The following ITGA8 variants were observed in gnomAD, a reference collection of about 807,000 sequenced individuals.
ITGA8 encodes integrin subunit alpha 8, also known as integrin alpha-8.
In ITGA8, 91 loss-of-function variants were observed where a neutral mutation model predicts 142.3. The observed-to-expected ratio is 0.64, with a 90% CI of 0.54 to 0.76. The LOEUF is 0.76. Ranked by LOEUF, ITGA8 falls within the 30% of genes least tolerant of loss-of-function variation. The pLI, the probability that ITGA8 is intolerant of heterozygous loss-of-function variation, is 0.00. For synonymous variants in ITGA8, 505 were observed against 485.2 expected (o/e 1.04, Z -0.54); for missense variants, 1,406 against 1,327.7 (o/e 1.06, Z -0.92).
chr10:15,709,248 T>G (rs1564419267), intron 2 of ITGA8, among the ~76,000 whole-genome samples: 1 of 152,216 alleles, frequency 6.6e-6, no homozygotes, highest in Non-Finnish European at 1.5e-5. Flanking sequence ...GAAACGCTGC[T>G]CCAGCTTTCA....
At position 15,586,728 on chromosome 10, in the gene ITGA8, A is replaced by G. The variant is rs529523190; in HGVS notation, c.2292-64T>C. On this transcript the variant is annotated intron_variant, in intron 22 of 29. Transcript: ENST00000378076. ...AGGAGTATTATTACAATATATGATC[A>G]TAAAAAACATTCTACATATCACAGG... 1.5e-3 allele frequency: 1,433 copies of G among 933,156 alleles called. 8 individuals carry two copies. Among genetic ancestry groups the G allele is most frequent in the Non-Finnish European group, 9.7e-4 (549 of 568,458 alleles). 57.8% of individuals were successfully genotyped at this position (933,156 alleles called of 1,614,324 possible). A position where few individuals can be genotyped will look rare whatever the true frequency, so the allele number is the denominator to read the frequency against.
At chr10:15,584,099 C>T (rs1834466903) in intron 23 of ITGA8, among the ~76,000 whole-genome samples, 2 of 152,112 alleles carry the variant, frequency 1.3e-5, no homozygotes. Context: ...GAGTTCGAGA[C>T]CAGCCTGGCC....
chr10:15,617,398 T>C (rs575979332), intron 13 of ITGA8, among the ~76,000 whole-genome samples: 1 of 70,198 alleles, frequency 1.4e-5, no homozygotes, highest in East Asian at 3.7e-4. Context: ...TCAAACTGTC[T>C]GTTTTTTTTT....
intron 13 of ITGA8, among the ~76,000 whole-genome samples, chr10:15,626,130 G>GTTA (rs1833577523): frequency 6.6e-6 from 1 of 152,144 alleles, no homozygotes; most frequent in East Asian, 1.9e-4. Flanking sequence ...GTCACACCTG[G>GTTA]TCCAACCAAT....
At chr10:15,632,546 C>A (rs796961546) in intron 13 of ITGA8, among the ~76,000 whole-genome samples, 4 of 152,220 alleles carry the variant, frequency 2.6e-5, no homozygotes, top group African/African-American at 9.6e-5. Context: ...GAAAGACATC[C>A]CACAAACAGG....
chr10:15,581,191 C>T (rs1043403902), intron 23 of ITGA8, among the ~76,000 whole-genome samples: 3 of 152,156 alleles, frequency 2.0e-5, no homozygotes, highest in African/African-American at 7.2e-5. Flanking sequence ...TCATATCAAT[C>T]AACTTGGAGA....
In ITGA8 at chr10:15,605,668, A is replaced by G. The variant is rs79772340; in HGVS notation, c.1970+56T>C. On this transcript the variant is annotated intron_variant, in intron 19 of 29. Coordinates refer to ENST00000378076, the MANE Select transcript of ITGA8 (RefSeq NM_003638.3). The stretch of plus-strand genomic sequence containing the variant: ...TATACTTTCTCCAGAGAACCTTTAC[A>G]TAAATACCTGTAATTCCATTAGATA... The G allele has an allele frequency of 2.4e-3, 3,377 of 1,406,634 alleles. 54 individuals carry two copies. In the African/African-American group the frequency reaches 0.036, roughly 15 times the overall value. The allele number at this position is 1,406,634 out of a possible 1,614,324, so 87.1% of individuals were successfully genotyped here. A position where few individuals can be genotyped will look rare whatever the true frequency, so the allele number is the denominator to read the frequency against.
At chr10:15,664,338 A>G (rs1588707504) in intron 8 of ITGA8, among the ~76,000 whole-genome samples, 1 of 152,172 alleles carries the variant, frequency 6.6e-6, no homozygotes, top group African/African-American at 2.4e-5. Context: ...TCCTTTATGA[A>G]TTAGTTTGTA....
chr10:15,679,878 TAA>T (rs1432959803), intron 4 of ITGA8, among the ~76,000 whole-genome samples: 1 of 152,222 alleles, frequency 6.6e-6, no homozygotes, highest in Admixed American at 6.5e-5. Context: ...ACTTGTACTT[TAA>T]AAGAGTTTCT....
chr10:15,694,293 AT>A (rs1237385006), intron 2 of ITGA8, among the ~76,000 whole-genome samples: 19,096 of 129,622 alleles, frequency 0.15, 1,837 homozygotes, highest in South Asian at 0.18. Context: ...CAGATAATAT[AT>A]CATATATATG....
At chr10:15,520,747 T>C (rs1359614772) in intron 28 of ITGA8, among the ~76,000 whole-genome samples, 1 of 152,248 alleles carries the variant, frequency 6.6e-6, no homozygotes, top group African/African-American at 2.4e-5. Context: ...TCCGGTTTTA[T>C]CAGAGTGGCA....
At chr10:15,644,398 G>C (rs1299661555) in intron 12 of ITGA8, among the ~76,000 whole-genome samples, 177 bp from the exon 13 acceptor site, 2 of 132,688 alleles carry the variant, frequency 1.5e-5, no homozygotes, top group Non-Finnish European at 3.1e-5. Flanking sequence ...TTCTCTAGGA[G>C]CTGGGACTAC....
chr10:15,574,108 C>G (rs1834238220), intron 24 of ITGA8, among the ~76,000 whole-genome samples: 1 of 152,104 alleles, frequency 6.6e-6, no homozygotes, highest in Non-Finnish European at 1.5e-5. Flanking sequence ...AGGCTTGAGC[C>G]ACTGTGCCCA....
At chr10:15,579,538 A>G (rs1311554517) in intron 23 of ITGA8, among the ~76,000 whole-genome samples, 2 of 152,132 alleles carry the variant, frequency 1.3e-5, no homozygotes, top group Non-Finnish European at 2.9e-5. Context: ...TTGGCTAGAA[A>G]AACTAAGATA....
chr10:15,519,834 T>A (rs946634627), intron 28 of ITGA8, among the ~76,000 whole-genome samples: 1 of 152,196 alleles, frequency 6.6e-6, no homozygotes, highest in African/African-American at 2.4e-5. Flanking sequence ...AGAGGTAAGC[T>A]TGTGAACAAC....
chr10:15,624,470 G>A (rs1188324861), intron 13 of ITGA8, among the ~76,000 whole-genome samples: 1 of 152,148 alleles, frequency 6.6e-6, no homozygotes, highest in African/African-American at 2.4e-5. Context: ...CTTTGCTTTT[G>A]GACTCAGCTG....
chr10:15,572,566 A>G (rs886990443), intron 24 of ITGA8, among the ~76,000 whole-genome samples, 197 bp from the exon 25 acceptor site: 1 of 152,254 alleles, frequency 6.6e-6, no homozygotes, highest in Non-Finnish European at 1.5e-5. Flanking sequence ...TGGTGTTTAG[A>G]GAAAACTCTT....
intron 13 of ITGA8, among the ~76,000 whole-genome samples, chr10:15,621,509 T>A (rs10737007): frequency 6.6e-6 from 1 of 152,060 alleles, no homozygotes; most frequent in Non-Finnish European, 1.5e-5. Context: ...GGTGCTTGGT[T>A]TGCAGAGTCT....
chr10:15,565,747 GC>G (rs1429868187), intron 25 of ITGA8, among the ~76,000 whole-genome samples: 2 of 151,416 alleles, frequency 1.3e-5, no homozygotes, highest in Non-Finnish European at 2.9e-5. Flanking sequence ...CCACCACCAC[GC>G]CCAGCTAATT....
Sources: gnomAD v4.1 joint callset for allele counts (sites outside exome capture counted in the v4.1 genomes callset) on GRCh38, gnomAD v4.1.1 for gene constraint, MANE v1.5 for transcripts, NCBI Gene and HGNC (gene_info 2026-07-23, HGNC 2026-07-21) for gene names.